The following PCDHA1 variants were observed in gnomAD, a reference collection of about 807,000 sequenced individuals.
The protein encoded by PCDHA1 is protocadherin alpha-1.
PCDHA1 carries 42 observed loss-of-function variants against 61.3 expected under a neutral mutation model. The ratio of observed to expected loss-of-function variants is 0.69; its 90% CI spans 0.54 to 0.89. The LOEUF (loss-of-function observed/expected upper bound fraction) is 0.89. PCDHA1 is among the 40% of genes least tolerant of loss of function. The pLI is 0.00. For synonymous variants in PCDHA1, 610 were observed against 553.8 expected (o/e 1.10, Z -1.43); for missense variants, 1,256 against 1,235.3 (o/e 1.02, Z -0.25).
chr5:140,946,611 A>T (rs868983636), intron 1 of PCDHA1, among the ~76,000 whole-genome samples: 1 of 86,804 alleles, frequency 1.2e-5, no homozygotes, highest in Admixed American at 1.2e-4. Context: ...GAAAATGTGA[A>T]ATATATATAT....
At chr5:140,807,293 T>A (rs782145999) in intron 1 of PCDHA1, 1 of 1,614,084 alleles carries the variant, frequency 6.2e-7, no homozygotes, top group Non-Finnish European at 8.5e-7. Context: ...CTACTCGGTC[T>A]CCGAGGAGGC....
At chr5:140,968,639 G>T (rs1278507600) in intron 1 of PCDHA1, 1 of 1,614,150 alleles carries the variant, frequency 6.2e-7, no homozygotes, top group Non-Finnish European at 8.5e-7. Context: ...TTACCATCTA[G>T]CCCAGACTTC....
At chr5:140,875,233 G>C in intron 1 of PCDHA1, 2 of 863,878 alleles carry the variant, frequency 2.3e-6, no homozygotes, top group Non-Finnish European at 3.3e-6. Context: ...GATCTTTCTT[G>C]TACTTACATA....
At chr5:140,984,824 C>A (rs920985683) in intron 3 of PCDHA1, among the ~76,000 whole-genome samples, 1 of 152,098 alleles carries the variant, frequency 6.6e-6, no homozygotes, top group Non-Finnish European at 1.5e-5. Context: ...TCTTAATTAC[C>A]CTTTCTGTAA....
intron 1 of PCDHA1, chr5:140,868,367 A>T (rs1172492575): frequency 1.3e-5 from 2 of 152,208 alleles, no homozygotes; most frequent in African/African-American, 4.8e-5. Context: ...AAATGTAAAT[A>T]ACAGTAAAGA....
intron 1 of PCDHA1, chr5:140,828,537 A>G: frequency 6.2e-7 from 1 of 1,614,236 alleles, no homozygotes; most frequent in Non-Finnish European, 8.5e-7. Flanking sequence ...AGGCTGCCAG[A>G]TTCTGTGTTT....
intron 1 of PCDHA1, among the ~76,000 whole-genome samples, chr5:140,914,715 T>A (rs1554196547): frequency 6.6e-6 from 1 of 152,162 alleles, no homozygotes; most frequent in Non-Finnish European, 1.5e-5. Flanking sequence ...TTCTTGTTTT[T>A]TATTTTTTGT....
At chr5:140,961,083 T>C (rs1470868954) in intron 1 of PCDHA1, among the ~76,000 whole-genome samples, 1 of 152,198 alleles carries the variant, frequency 6.6e-6, no homozygotes, top group Non-Finnish European at 1.5e-5. Context: ...ATCAAGTAAT[T>C]GTTGACTTTT....
At chr5:141,007,869 T>C (rs2098349373) in intron 3 of PCDHA1, among the ~76,000 whole-genome samples, 1 of 152,262 alleles carries the variant, frequency 6.6e-6, no homozygotes, top group African/African-American at 2.4e-5. Flanking sequence ...TCTTTTCCTT[T>C]GTCTTACACT....
intron 1 of PCDHA1, chr5:140,966,746 C>T: frequency 1.4e-6 from 2 of 1,425,932 alleles, no homozygotes; most frequent in Non-Finnish European, 1.8e-6. Context: ...TGCCCGGCTG[C>T]CTCCGCCGCG....
rs782181380 is a variant in PCDHA1 at position 140,857,975 on chromosome 5, C to A, written c.2394+69291C>A. 5 of 1,596,906 alleles carry A rather than the reference C, an allele frequency of 3.1e-6. 1 individual carries two copies. The highest frequency in any genetic ancestry group is 3.4e-6 in the Non-Finnish European group (4 of 1,167,228). On this transcript the variant is annotated intron_variant, in intron 1 of 3. Coordinates refer to ENST00000504120, the MANE Select transcript of PCDHA1 (RefSeq NM_018900.4). ...CGCTCTGGATGAGACTGACTCGCCA[C>A]GCCAGCGCCTACTGGTGCTGGTGAA...
chr5:140,889,259 G>C (rs371831027), intron 1 of PCDHA1, among the ~76,000 whole-genome samples: 37 of 151,916 alleles, frequency 2.4e-4, no homozygotes, highest in African/African-American at 6.7e-4. Context: ...TCCTGTAAAA[G>C]TTTGTATAAT....
chr5:140,806,796 T>C, intron 1 of PCDHA1: 1 of 204,112 alleles, frequency 4.9e-6, no homozygotes, highest in Non-Finnish European at 1.0e-5. Context: ...AAAAATTATT[T>C]CTACTGAAGT....
rs782673935 is a variant in PCDHA1 at position 140,857,328 on chromosome 5, G to A, written c.2394+68644G>A. ...GCCTATGAGCTGGTGGTGACCGCGC[G>A]GGACGGGGGCTCGCCTCCGCTGTGG... is the stretch of plus-strand genomic sequence containing the variant. On this transcript the variant is annotated intron_variant, in intron 1 of 3. Transcript: ENST00000504120. 7.5e-6 allele frequency: 12 copies of A among 1,598,502 alleles called. 1 individual carries two copies. The highest frequency in any genetic ancestry group is 1.3e-5 in the African/African-American group (1 of 74,410).
intron 1 of PCDHA1, chr5:140,823,086 C>A (rs377181493): frequency 1.2e-6 from 2 of 1,613,884 alleles, no homozygotes; most frequent in African/African-American, 2.7e-5. Context: ...TGTGGGCCAC[C>A]GCCAGCGTGT....
chr5:140,849,023 G>C (rs2150428994), intron 1 of PCDHA1: 1 of 1,586,580 alleles, frequency 6.3e-7, no homozygotes, highest in East Asian at 2.2e-5. Flanking sequence ...GCCCCAATGA[G>C]TATTTCTTCC....
intron 1 of PCDHA1, chr5:140,823,073 C>T: frequency 6.2e-7 from 1 of 1,614,010 alleles, no homozygotes; most frequent in African/African-American, 1.3e-5. Context: ...GGCTCGCCTT[C>T]GCTGTGGGCC....
chr5:140,797,150 A>G, intron 1 of PCDHA1: 1 of 1,613,886 alleles, frequency 6.2e-7, no homozygotes. Context: ...CCACCCACCG[A>G]GGGTGCGCGC....
chr5:140,838,443 T>C (rs1554137081), intron 1 of PCDHA1, among the ~76,000 whole-genome samples: 5 of 151,752 alleles, frequency 3.3e-5, no homozygotes, highest in Non-Finnish European at 5.9e-5. Flanking sequence ...TATTGGGTTT[T>C]GTGGCATATT....
Sources: gnomAD v4.1 joint callset for allele counts (sites outside exome capture counted in the v4.1 genomes callset) on GRCh38, gnomAD v4.1.1 for gene constraint, MANE v1.5 for transcripts, NCBI Gene and HGNC (gene_info 2026-07-23, HGNC 2026-07-21) for gene names.